Variants in C13orf46 observed in about 807,000 individuals in gnomAD.
C13orf46 encodes the protein chromosome 13 open reading frame 46.
In C13orf46 at chr13:113,955,366, C is replaced by A. The variant is rs1172597006; in HGVS notation, c.*1407G>T. The A allele has an allele frequency of 2.2e-5, 3 of 138,174 alleles. No homozygotes were observed. The highest frequency in any genetic ancestry group is 4.4e-5 in the Non-Finnish European group (3 of 68,568). 8.6% of individuals were successfully genotyped at this position (138,174 alleles called of 1,614,324 possible). On this transcript the variant is annotated 3_prime_UTR_variant, in exon 7 of 7. Transcript: ENST00000636427. ...GTATCTGGTGGAGAGGAGGAGCATCCGGCGGAGAGGAGGAGCATCCGGCGG... is the reference window on the plus strand; with the variant it reads ...GTATCTGGTGGAGAGGAGGAGCATCAGGCGGAGAGGAGGAGCATCCGGCGG...
chr13:113,965,829 AATGGTG>A (rs1244236494), intron 5 of C13orf46, among the ~76,000 whole-genome samples: 1 of 60,466 alleles, frequency 1.7e-5, no homozygotes, highest in Non-Finnish European at 3.1e-5. Context: ...TGATGGTGAT[AATGGTG>A]ATGGTGATGA....
the C13orf46 span, among the ~76,000 whole-genome samples, chr13:113,939,316 C>T: frequency 2.2e-4 from 34 of 152,174 alleles, no homozygotes; most frequent in Non-Finnish European, 5.9e-5. Context: ...AACCCAGAGC[C>T]AGAAGGGGAC....
the C13orf46 span, among the ~76,000 whole-genome samples, chr13:113,939,180 C>T: frequency 3.2e-4 from 48 of 152,288 alleles, 1 homozygote; most frequent in South Asian, 4.1e-4. Context: ...CTTCAGGTCC[C>T]GGCCCTTTGC....
At chr13:113,962,194 G>C (rs1268209099) in intron 6 of C13orf46, among the ~76,000 whole-genome samples, 3 of 152,210 alleles carry the variant, frequency 2.0e-5, no homozygotes, top group Non-Finnish European at 4.4e-5. Context: ...CTGAGGTCAG[G>C]AGATCGAGAC....
At chr13:113,950,695 T>C (rs1240888641), downstream of C13orf46, among the ~76,000 whole-genome samples, 11 of 152,208 alleles carry the variant, frequency 7.2e-5, no homozygotes, top group African/African-American at 2.4e-4. Flanking sequence ...GCACCAGGGC[T>C]GGCCCCGCCT....
Position 113,954,433 on chromosome 13 carries a change from AC to A in C13orf46, c.*2339del, listed in dbSNP as rs2052504941. The A allele has an allele frequency of 6.6e-6, 1 of 151,978 alleles. No individual in the cohort carries two copies. Among genetic ancestry groups the A allele is most frequent in the Non-Finnish European group, 1.5e-5 (1 of 68,092 alleles). 9.4% of individuals were successfully genotyped at this position (151,978 alleles called of 1,614,324 possible). ...ACAGGCATGTCCTGGAGCCCCCCAC[AC>A]CCCTAGGAAGACTCCCTCTCCTCCT... On this transcript the variant is annotated 3_prime_UTR_variant, in exon 7 of 7. Transcript: ENST00000636427.
chr13:113,967,248 C>G (rs958726192), intron 5 of C13orf46, 93 bp downstream of exon 5: 1 of 152,244 alleles, frequency 6.6e-6, no homozygotes, highest in East Asian at 1.9e-4. Flanking sequence ...GGGGTAAGTT[C>G]CCAGAAAAGC....
the C13orf46 span, chr13:113,927,658 A>G: frequency 5.0e-6 from 2 of 398,564 alleles, no homozygotes; most frequent in South Asian, 2.5e-4. Flanking sequence ...AATAAGACCA[A>G]GAATAATTAA....
intron 6 of C13orf46, among the ~76,000 whole-genome samples, chr13:113,960,024 A>G (rs879182115): frequency 0.62 from 94,043 of 151,928 alleles, 29,876 homozygotes; most frequent in Non-Finnish European, 0.7. Context: ...AGGCCAAGGC[A>G]GGCAGATCAT....
chr13:113,942,884 C>T, the C13orf46 span, among the ~76,000 whole-genome samples: 1 of 152,226 alleles, frequency 6.6e-6, no homozygotes, highest in Non-Finnish European at 1.5e-5. Context: ...CGCCCCAGTG[C>T]CCGCCGGAGG....
At chr13:113,943,632 G>A in the C13orf46 span, among the ~76,000 whole-genome samples, 1 of 152,342 alleles carries the variant, frequency 6.6e-6, no homozygotes, top group Non-Finnish European at 1.5e-5. Flanking sequence ...TCCCGTCATG[G>A]CTGGAAACCA....
chr13:113,945,499 T>C, the C13orf46 span, among the ~76,000 whole-genome samples: 1 of 148,154 alleles, frequency 6.7e-6, no homozygotes, highest in African/African-American at 2.5e-5. Flanking sequence ...GAGCCGAGAC[T>C]GCGCCACTGC....
the C13orf46 span, among the ~76,000 whole-genome samples, chr13:113,933,594 G>C: frequency 5.9e-5 from 9 of 152,260 alleles, 1 homozygote; most frequent in South Asian, 6.2e-4. Context: ...TCTGGGGAGA[G>C]TTGGCATCTT....
chr13:113,963,959 T>A (rs956343860), intron 6 of C13orf46, among the ~76,000 whole-genome samples: 1 of 152,158 alleles, frequency 6.6e-6, no homozygotes, highest in African/African-American at 2.4e-5. Flanking sequence ...CAAGCGATTC[T>A]CCTGCCTCGG....
At chr13:113,962,607 GGTAGC>G (rs2052596055) in intron 6 of C13orf46, among the ~76,000 whole-genome samples, 1 of 152,196 alleles carries the variant, frequency 6.6e-6, no homozygotes, top group Non-Finnish European at 1.5e-5. Flanking sequence ...TGTGAGATGA[GGTAGC>G]AAACCTAAGA....
chr13:113,965,854 GTGGTGATGA>G (rs1240072772), intron 5 of C13orf46, among the ~76,000 whole-genome samples: 2 of 125,108 alleles, frequency 1.6e-5, no homozygotes, highest in Non-Finnish European at 3.5e-5. Flanking sequence ...GATGGTGATG[GTGGTGATGA>G]TGGTGATGGT....
At chr13:113,960,635 C>A (rs1314189085) in intron 6 of C13orf46, among the ~76,000 whole-genome samples, 2 of 152,196 alleles carry the variant, frequency 1.3e-5, no homozygotes, top group African/African-American at 4.8e-5. Context: ...ATACACTTGG[C>A]TTTTCTTGCT....
chr13:113,967,113 G>A (rs1244524536), intron 5 of C13orf46, among the ~76,000 whole-genome samples: 1 of 152,158 alleles, frequency 6.6e-6, no homozygotes. Flanking sequence ...TGATAGTGCT[G>A]AAGTGTGCGT....
In C13orf46 at chr13:113,956,314, AGAG is replaced by A. The variant is rs1332065797; in HGVS notation, c.*456_*458del. Reference sequence around the variant, plus strand: ...GGTGGAGACGAGGAGCATCTGGTGGAGAGGAGGAGTAGTATCTGGTGGAGAGGA... The same window carrying A: ...GGTGGAGACGAGGAGCATCTGGTGGAGAGGAGTAGTATCTGGTGGAGAGGA... On this transcript the variant is annotated 3_prime_UTR_variant, in exon 7 of 7. Transcript: ENST00000636427. The A allele has an allele frequency of 6.8e-6, 1 of 147,510 alleles. No individual in the cohort carries two copies. Among genetic ancestry groups the A allele is most frequent in the Non-Finnish European group, 1.5e-5 (1 of 67,532 alleles). The allele number at this position is 147,510 out of a possible 1,614,324, so 9.1% of individuals were successfully genotyped here.
Sources: allele counts gnomAD v4.1 joint callset (sites outside exome capture counted in the v4.1 genomes callset), GRCh38; gene constraint gnomAD v4.1.1; transcripts MANE v1.5; gene names NCBI Gene and HGNC (gene_info 2026-07-23, HGNC 2026-07-21).